The following TRHDE variants were observed in gnomAD, a reference collection of about 807,000 sequenced individuals.
TRHDE encodes the protein thyrotropin-releasing hormone-degrading ectoenzyme.
In TRHDE, 72 loss-of-function variants were observed where a neutral mutation model predicts 125.7. The ratio of observed to expected loss-of-function variants is 0.57; its 90% CI spans 0.47 to 0.70. TRHDE has a LOEUF of 0.70. Among genes scored for constraint, TRHDE ranks in the 30% least tolerant of loss-of-function variants. The pLI is 0.00. For synonymous variants in TRHDE, 509 were observed against 509.1 expected, an observed-to-expected ratio of 1.00 and a Z score of 0.00; for missense variants, 1,110 against 1,327.1, an observed-to-expected ratio of 0.84 and a Z score of 2.54.
At chr12:72,154,398 A>C (rs1408216749) in intron 2 of TRHDE, among the ~76,000 whole-genome samples, 1 of 152,322 alleles carries the variant, frequency 6.6e-6, no homozygotes, top group African/African-American at 2.4e-5. Context: ...ATTTACATTT[A>C]AAGTTAATAT....
At chr12:72,330,041 C>G (rs1182260921) in intron 2 of TRHDE, among the ~76,000 whole-genome samples, 2 of 152,188 alleles carry the variant, frequency 1.3e-5, no homozygotes, top group Non-Finnish European at 2.9e-5. Flanking sequence ...CATTTCCCTC[C>G]TCATGCCTAG....
intron 2 of TRHDE, among the ~76,000 whole-genome samples, chr12:72,339,551 C>T (rs1869986491): frequency 6.6e-6 from 1 of 152,090 alleles, no homozygotes; most frequent in Non-Finnish European, 1.5e-5. Context: ...TTTCCTTTAT[C>T]TAGCAGGATT....
Position 72,663,319 on chromosome 12 carries a change from ATT to A in TRHDE, c.*133_*134del. On this transcript the variant is annotated 3_prime_UTR_variant, in exon 19 of 19. Transcript: ENST00000261180. ...TTTTCAGTGTTAACGTGTGGGAGGA[ATT>A]TTTTTTTTAGTTTTTATTTTTTGGT... The A allele has an allele frequency of 7.7e-6, 5 of 649,066 alleles. No individual in the cohort carries two copies. Among genetic ancestry groups the A allele is most frequent in the Non-Finnish European group, 1.1e-5 (5 of 446,888 alleles). 40.2% of individuals were successfully genotyped at this position (649,066 alleles called of 1,614,324 possible). A position where few individuals can be genotyped will look rare whatever the true frequency, so the allele number is the denominator to read the frequency against.
intron 12 of TRHDE, among the ~76,000 whole-genome samples, chr12:72,584,467 A>G (rs188066264): frequency 1.4e-4 from 21 of 152,194 alleles, no homozygotes; most frequent in African/African-American, 4.8e-4. Context: ...AACTATAGTC[A>G]TCAAGCTGTA....
chr12:72,311,380 T>C (rs1310043840), intron 2 of TRHDE, among the ~76,000 whole-genome samples: 1 of 152,164 alleles, frequency 6.6e-6, no homozygotes, highest in Non-Finnish European at 1.5e-5. Flanking sequence ...ATTATGGTCG[T>C]CTATGGGCAG....
At chr12:72,404,021 CTG>C (rs142321973) in intron 3 of TRHDE, among the ~76,000 whole-genome samples, 4 of 151,994 alleles carry the variant, frequency 2.6e-5, no homozygotes, top group African/African-American at 9.7e-5. Context: ...ATCTTTGCCT[CTG>C]TGTGTGTGTG....
intron 2 of TRHDE, among the ~76,000 whole-genome samples, chr12:72,125,424 T>C (rs1430881293): frequency 6.6e-6 from 1 of 152,280 alleles, no homozygotes; most frequent in Non-Finnish European, 1.5e-5. Context: ...GTGCCCATGA[T>C]AGAGTTGGTT....
chr12:72,126,580 G>A (rs1875718769), intron 2 of TRHDE, among the ~76,000 whole-genome samples: 1 of 152,154 alleles, frequency 6.6e-6, no homozygotes, highest in South Asian at 2.1e-4. Flanking sequence ...CTTTGACAAA[G>A]TCTACAAAAA....
intron 3 of TRHDE, among the ~76,000 whole-genome samples, chr12:72,413,895 C>G (rs1873621668): frequency 6.6e-6 from 1 of 152,020 alleles, no homozygotes; most frequent in African/African-American, 2.4e-5. Context: ...GTTTTCATTC[C>G]TTTGTTTATA....
intron 3 of TRHDE, among the ~76,000 whole-genome samples, chr12:72,430,334 C>CATGTATATATACATGTATACAT (rs1356312642): frequency 7.3e-6 from 1 of 136,826 alleles, no homozygotes; most frequent in Non-Finnish European, 1.5e-5. Context: ...TACATATATA[C>CATGTATATATACATGTATACAT]ATGTATATAT....
intron 2 of TRHDE, among the ~76,000 whole-genome samples, chr12:72,322,294 C>T (rs2135711500): frequency 6.6e-6 from 1 of 152,110 alleles, no homozygotes; most frequent in South Asian, 2.1e-4. Flanking sequence ...TTGCATTTTG[C>T]AGGGACTCTT....
chr12:72,599,268 G>A (rs1872109018), intron 12 of TRHDE, among the ~76,000 whole-genome samples: 1 of 151,996 alleles, frequency 6.6e-6, no homozygotes, highest in Non-Finnish European at 1.5e-5. Context: ...TGGGTCAAAT[G>A]GTAGTTCTGG....
At chr12:72,378,815 G>A (rs756882083) in intron 3 of TRHDE, among the ~76,000 whole-genome samples, 3 of 152,064 alleles carry the variant, frequency 2.0e-5, no homozygotes, top group Non-Finnish European at 2.9e-5. Flanking sequence ...GGTAATTGTC[G>A]GTCAAATGCA....
chr12:72,170,872 G>C (rs187316415), intron 2 of TRHDE, among the ~76,000 whole-genome samples: 2 of 152,270 alleles, frequency 1.3e-5, no homozygotes, highest in East Asian at 3.9e-4. Context: ...GGAAAACTCA[G>C]AGAATGTAGG....
intron 3 of TRHDE, among the ~76,000 whole-genome samples, chr12:72,386,947 G>T (rs182545250): frequency 3.3e-5 from 5 of 152,140 alleles, no homozygotes; most frequent in Admixed American, 1.3e-4. Context: ...TGCCTTTCTA[G>T]CTGCTTAAAC....
chr12:72,149,526 G>C (rs528144616), intron 2 of TRHDE, among the ~76,000 whole-genome samples: 6 of 151,896 alleles, frequency 4.0e-5, no homozygotes, highest in Non-Finnish European at 7.4e-5. Context: ...CTTGGCATTT[G>C]CATGTTGTTT....
At chr12:72,160,021 C>T (rs1490155063) in intron 2 of TRHDE, among the ~76,000 whole-genome samples, 1 of 152,104 alleles carries the variant, frequency 6.6e-6, no homozygotes, top group Non-Finnish European at 1.5e-5. Flanking sequence ...CCTAATTGTG[C>T]TCTTCTTCTA....
intron 6 of TRHDE, among the ~76,000 whole-genome samples, chr12:72,512,588 CA>C (rs1396888415): frequency 2.9e-5 from 4 of 136,002 alleles, no homozygotes; most frequent in South Asian, 2.2e-4. Context: ...ATATAATAAT[CA>C]TATATAATCA....
intron 2 of TRHDE, among the ~76,000 whole-genome samples, chr12:72,326,507 G>A (rs1209433439): frequency 6.6e-6 from 1 of 152,108 alleles, no homozygotes; most frequent in Admixed American, 6.5e-5. Flanking sequence ...CATGGCACAT[G>A]TATACCTATG....
Sources: allele counts gnomAD v4.1 joint callset (sites outside exome capture counted in the v4.1 genomes callset), GRCh38; gene constraint gnomAD v4.1.1; transcripts MANE v1.5; gene names NCBI Gene and HGNC (gene_info 2026-07-23, HGNC 2026-07-21).